GARS1: variants seen among roughly 807,000 people sequenced by gnomAD.
GARS1 encodes the protein glycyl-tRNA synthetase 1, also known as glycine--tRNA ligase.
Under a neutral mutation model 86.4 loss-of-function variants are expected in GARS1, and 46 were observed. The observed-to-expected ratio is 0.53, with a 90% CI of 0.42 to 0.68. GARS1 has a LOEUF of 0.68. GARS1 is among the 30% of genes least tolerant of loss of function. The pLI is 0.00. For synonymous variants in GARS1, 342 were observed against 329.8 expected (o/e 1.04, Z -0.40); for missense variants, 797 against 915.6 (o/e 0.87, Z 1.67).
Position 30,612,223 on chromosome 7 carries a change from C to T in GARS1, c.1009C>T (p.Arg337Ter), listed in dbSNP as rs767696937. The T allele has an allele frequency of 2.5e-6, 4 of 1,614,092 alleles. No homozygotes were observed. The highest frequency in any genetic ancestry group is 2.2e-5 in the East Asian group (1 of 44,862). The change falls in exon 8 of 17, where the codon CGA becomes TGA. Residue 337 changes from arginine (R) to a stop codon, truncating the protein, a stop_gained. Coordinates refer to ENST00000389266, the MANE Select transcript of GARS1 (RefSeq NM_002047.4). LOFTEE classifies it high-confidence loss of function. Reference sequence around the variant, plus strand: ...TTCTTTTAGAAATGAGATCTCCCCTCGATCTGGACTGATCAGAGTCAGGTA... The same window carrying T: ...TTCTTTTAGAAATGAGATCTCCCCTTGATCTGGACTGATCAGAGTCAGGTA... ...GNSFRNEISP[R>*]SGLIRVREFT...
intron 1 of GARS1, 147 bp from the exon 2 acceptor site, chr7:30,598,649 G>A: frequency 1.5e-6 from 1 of 688,446 alleles, no homozygotes; most frequent in Non-Finnish European, 2.6e-6. Context: ...CTTTCAAAGT[G>A]CTGGTATTAC....
chr7:30,602,564 A>G (rs572090600), intron 4 of GARS1, among the ~76,000 whole-genome samples: 14 of 152,348 alleles, frequency 9.2e-5, no homozygotes, highest in African/African-American at 3.4e-4. Context: ...TGTTCCACCA[A>G]TAGGAACTTT....
At chr7:30,612,652 T>C (rs954108274) in intron 8 of GARS1, among the ~76,000 whole-genome samples, 6 of 152,062 alleles carry the variant, frequency 3.9e-5, no homozygotes, top group Non-Finnish European at 5.9e-5. Flanking sequence ...GTTCTAGATA[T>C]CTAGGGCAGA....
Position 30,632,411 on chromosome 7 carries a change from G to A in GARS1, c.2068G>A (p.Asp690Asn). 1 of 1,614,156 alleles carries A rather than the reference G, an allele frequency of 6.2e-7. No individual in the cohort carries two copies. Among genetic ancestry groups the A allele is most frequent in the South Asian group, 1.1e-5 (1 of 91,062 alleles). The stretch of plus-strand genomic sequence containing the variant: ...CCACACTGCAACTCTGAGGGACCGT[G>A]ACTCAATGCGGCAGATAAGAGCAGA... ...TPHTATLRDR[D>N]SMRQIRAEIS... The change falls in exon 16 of 17, where the codon GAC (aspartate) becomes AAC (asparagine). Residue 690 changes from aspartate (D) to asparagine (N), a missense_variant. Physicochemically the swap from Asp to Asn is conservative, Grantham distance 23. Coordinates refer to ENST00000389266, the MANE Select transcript of GARS1 (RefSeq NM_002047.4). The surrounding 1 kb of genome is among the most constrained non-coding windows in gnomAD (Gnocchi z 4.1).
chr7:30,612,685 A>C (rs1782787547), intron 8 of GARS1, among the ~76,000 whole-genome samples: 1 of 152,096 alleles, frequency 6.6e-6, no homozygotes, highest in Admixed American at 6.5e-5. Flanking sequence ...AGTTGGGGTG[A>C]GGATGTATCA....
rs1791412752 is a variant in GARS1, at chr7:30,603,092, G to T, written c.628G>T (p.Glu210Ter). 1 of 1,613,838 alleles carries T rather than the reference G, an allele frequency of 6.2e-7. No individual in the cohort carries two copies. Among genetic ancestry groups the T allele is most frequent in the Non-Finnish European group, 8.5e-7 (1 of 1,179,832 alleles). The change falls in exon 5 of 17, where the codon GAA (glutamate) becomes TAA (stop). Residue 210 changes from glutamate (E) to a stop codon, truncating the protein, a stop_gained. Transcript: ENST00000389266. LOFTEE classifies it high-confidence loss of function. ...CATGGTGAAAGACGTAAAAAATGGA[G>T]AATGTTTTCGTGCTGACCATCTATT... The part of the protein sequence containing the change: ...DFMVKDVKNG[E>*]CFRADHLLKA...
intron 7 of GARS1, 96 bp from the exon 8 acceptor site, chr7:30,612,000 A>G (rs1443016839): frequency 8.9e-6 from 10 of 1,122,568 alleles, no homozygotes; most frequent in Admixed American, 5.1e-5. Context: ...TGAAAATGGT[A>G]TATTTAGGAC....
chr7:30,624,172 C>T (rs1211849784), intron 12 of GARS1, among the ~76,000 whole-genome samples: 16 of 152,046 alleles, frequency 1.1e-4, no homozygotes. Flanking sequence ...CAGTCCGAGA[C>T]AGTTCTTTCT....
chr7:30,626,721 G>A (rs1309169014), intron 13 of GARS1, among the ~76,000 whole-genome samples: 4 of 152,316 alleles, frequency 2.6e-5, no homozygotes, highest in East Asian at 1.9e-4. Context: ...GGTGGCTTAC[G>A]CCTGTAATCC....
chr7:30,632,477 G>T lies in GARS1; in HGVS notation c.2094+40G>T. ...CTTTGGCATTTTTAGCCTTAGAAATGTGTACTGCTTCTTACTGATTTGTGT... is the reference window on the plus strand; with the variant it reads ...CTTTGGCATTTTTAGCCTTAGAAATTTGTACTGCTTCTTACTGATTTGTGT... On this transcript the variant is annotated intron_variant, in intron 16 of 16. Coordinates refer to ENST00000389266, the MANE Select transcript of GARS1 (RefSeq NM_002047.4). This position sits in a 1 kb window ranked among gnomAD's most constrained non-coding sequence, Gnocchi z 4.1. 6.3e-7 allele frequency: 1 copy of T among 1,587,890 alleles called. No individual in the cohort carries two copies. Among genetic ancestry groups the T allele is most frequent in the East Asian group, 2.2e-5 (1 of 44,770 alleles).
chr7:30,608,588 G>T (rs560351979), intron 6 of GARS1, among the ~76,000 whole-genome samples: 2 of 152,280 alleles, frequency 1.3e-5, no homozygotes, highest in South Asian at 4.1e-4. Flanking sequence ...GGAACATGTT[G>T]TTAGTGTGAG....
chr7:30,621,489 C>G lies in GARS1; in HGVS notation c.1456C>G (p.Leu486Val). The G allele has an allele frequency of 6.2e-7, 1 of 1,613,726 alleles. No homozygotes were observed. The highest frequency in any genetic ancestry group is 8.5e-7 in the Non-Finnish European group (1 of 1,179,616). Residue 486 changes from leucine to valine, a missense_variant, in exon 11 of 17, where the codon CTG becomes GTG. Physicochemically the swap from Leu to Val is conservative, Grantham distance 32 (BLOSUM62 1). Around this residue, in one of 2 missense-constraint regions of GARS1, gnomAD observed 598 missense variants for 738.7 expected, o/e 0.81. Coordinates refer to ENST00000389266, the MANE Select transcript of GARS1 (RefSeq NM_002047.4). ...TKVPLVAEKPLKEPKTVNVVQ... is the reference protein window; with the variant it reads ...TKVPLVAEKPVKEPKTVNVVQ... ...AGTCCCACTTGTAGCTGAGAAACCTCTGAAAGAACCCATATCCTTTCTGGT... is the reference window on the plus strand; with the variant it reads ...AGTCCCACTTGTAGCTGAGAAACCTGTGAAAGAACCCATATCCTTTCTGGT...
chr7:30,616,776 A>G (rs1206495103), intron 9 of GARS1, among the ~76,000 whole-genome samples: 1 of 152,216 alleles, frequency 6.6e-6, no homozygotes, highest in Non-Finnish European at 1.5e-5. Context: ...TCAGAGGGGA[A>G]TGTCTTTGCC....
chr7:30,612,013 T>C (rs1782767649), intron 7 of GARS1, 83 bp from the exon 8 acceptor site: 3 of 1,299,558 alleles, frequency 2.3e-6, no homozygotes, highest in East Asian at 2.3e-5. Flanking sequence ...TTTAGGACTT[T>C]TAGGATTTGT....
chr7:30,618,965 A>T (rs1053123609), intron 10 of GARS1, among the ~76,000 whole-genome samples: 2 of 152,220 alleles, frequency 1.3e-5, no homozygotes, highest in Non-Finnish European at 2.9e-5. Flanking sequence ...TTTTCAGATC[A>T]AACCAATAAA....
chr7:30,614,099 A>G (rs150646279), intron 8 of GARS1, among the ~76,000 whole-genome samples: 34 of 152,314 alleles, frequency 2.2e-4, no homozygotes, highest in African/African-American at 7.2e-4. Context: ...AGCTGAGATT[A>G]TTGATGAGTA....
At chr7:30,614,734 G>A (rs970145201) in intron 8 of GARS1, among the ~76,000 whole-genome samples, 1 of 151,950 alleles carries the variant, frequency 6.6e-6, no homozygotes, top group Non-Finnish European at 1.5e-5. Context: ...AAATTAGCCG[G>A]GCGTGGTGGC....
At chr7:30,615,401 A>G (rs1166784812) in intron 8 of GARS1, among the ~76,000 whole-genome samples, 2 of 152,242 alleles carry the variant, frequency 1.3e-5, no homozygotes, top group African/African-American at 2.4e-5. Flanking sequence ...TGCTTTAAGG[A>G]AAACCATTTT....
At chr7:30,609,471 G>A (rs1791550664) in intron 6 of GARS1, 114 bp from the exon 7 acceptor site, 15 of 852,982 alleles carry the variant, frequency 1.8e-5, no homozygotes, top group East Asian at 1.7e-4. Flanking sequence ...TAATTGTGAT[G>A]TTCCTGAATT....
Sources: allele counts gnomAD v4.1 joint callset (sites outside exome capture counted in the v4.1 genomes callset), GRCh38; gene constraint gnomAD v4.1.1; regional missense constraint gnomAD v4.1.1; non-coding constraint Gnocchi (gnomAD v3.1); transcripts MANE v1.5; gene names NCBI Gene and HGNC (gene_info 2026-07-23, HGNC 2026-07-21).